Variants in CCDC93 observed in about 807,000 individuals in gnomAD.
CCDC93 encodes coiled-coil domain-containing protein 93.
In CCDC93, 61 loss-of-function variants were observed where a neutral mutation model predicts 108.2. The ratio of observed to expected loss-of-function variants is 0.56; its 90% CI spans 0.46 to 0.70. The LOEUF is 0.70. Ranked by LOEUF, CCDC93 falls within the 30% of genes least tolerant of loss-of-function variation. The pLI is 0.00. For missense variants in CCDC93, 685 were observed against 764.2 expected (o/e 0.90, Z 1.22); for synonymous variants, 276 against 260.4 (o/e 1.06, Z -0.58).
chr2:117,970,219 G>C (rs1273506750), intron 11 of CCDC93, among the ~76,000 whole-genome samples: 1 of 152,152 alleles, frequency 6.6e-6, no homozygotes, highest in Middle Eastern at 3.2e-3. Context: ...TTAGCTATAA[G>C]ACATAAAAAT....
At chr2:117,980,091 C>T (rs1010390345) in intron 7 of CCDC93, among the ~76,000 whole-genome samples, 5 of 152,262 alleles carry the variant, frequency 3.3e-5, no homozygotes, top group Admixed American at 6.5e-5. Context: ...CTTGTCAAGC[C>T]GCTATAGCAC....
In CCDC93 at chr2:117,917,706, C is replaced by A. The variant is rs550636131; in HGVS notation, c.*2637G>T. 1 of 152,466 alleles carries A rather than the reference C, an allele frequency of 6.6e-6. No homozygotes were observed. Among genetic ancestry groups the A allele is most frequent in the African/African-American group, 2.4e-5 (1 of 41,594 alleles). 9.4% of individuals were successfully genotyped at this position (152,466 alleles called of 1,614,324 possible). Reference sequence around the variant, plus strand: ...ACGGAGCACAGGTCAAAGACATCAACAAATGTCCTAGCATCTCCCCACGCA... The same window carrying A: ...ACGGAGCACAGGTCAAAGACATCAAAAAATGTCCTAGCATCTCCCCACGCA... On this transcript the variant is annotated 3_prime_UTR_variant, in exon 24 of 24. Coordinates refer to ENST00000376300, the MANE Select transcript of CCDC93 (RefSeq NM_019044.5).
At chr2:117,958,589 A>G in intron 11 of CCDC93, 108 bp from the exon 12 acceptor site, 1 of 731,354 alleles carries the variant, frequency 1.4e-6, no homozygotes, top group East Asian at 2.5e-5. Context: ...AGCCAGTCAC[A>G]CCAAGCCAGG....
At chr2:117,968,505 T>C (rs1281724884) in intron 11 of CCDC93, among the ~76,000 whole-genome samples, 1 of 152,202 alleles carries the variant, frequency 6.6e-6, no homozygotes, top group Non-Finnish European at 1.5e-5. Flanking sequence ...TCATGAATTA[T>C]GTATCTGGAA....
intron 16 of CCDC93, 132 bp from the exon 17 acceptor site, chr2:117,945,714 G>A (rs953356549): frequency 4.0e-5 from 28 of 706,424 alleles, no homozygotes; most frequent in Middle Eastern, 5.1e-4. Flanking sequence ...GATGTCCCCC[G>A]AGCATGTCTG....
At chr2:117,981,167 G>A (rs1680104903) in intron 7 of CCDC93, among the ~76,000 whole-genome samples, 4 of 152,236 alleles carry the variant, frequency 2.6e-5, no homozygotes, top group Admixed American at 2.6e-4. Flanking sequence ...AATATATTAT[G>A]CAACATATTT....
At chr2:117,941,400 T>C (rs1013530238) in intron 18 of CCDC93, 103 bp from the exon 19 acceptor site, 6 of 812,642 alleles carry the variant, frequency 7.4e-6, no homozygotes, top group Admixed American at 2.0e-5. Flanking sequence ...AGCCCAACCA[T>C]GCGCCCTACA....
At chr2:117,946,912 T>G (rs778626345) in intron 15 of CCDC93, 30 bp from the exon 16 acceptor site, 2 of 1,511,544 alleles carry the variant, frequency 1.3e-6, no homozygotes, top group Non-Finnish European at 1.8e-6. Flanking sequence ...TTTTACAAAA[T>G]TCAGACAAGG....
At chr2:118,010,941 A>G (rs1445479050) in intron 1 of CCDC93, among the ~76,000 whole-genome samples, 2 of 152,232 alleles carry the variant, frequency 1.3e-5, no homozygotes, top group Non-Finnish European at 2.9e-5. Flanking sequence ...TCAACTATAT[A>G]CTGTACATAT....
rs1028535202 is a variant in CCDC93 at position 117,919,662 on chromosome 2, C to G, written c.*681G>C. 1 of 151,972 alleles carries G rather than the reference C, an allele frequency of 6.6e-6. No individual in the cohort carries two copies. The highest frequency in any genetic ancestry group is 2.4e-5 in the African/African-American group (1 of 41,394). 9.4% of individuals were successfully genotyped at this position (151,972 alleles called of 1,614,324 possible). On this transcript the variant is annotated 3_prime_UTR_variant, in exon 24 of 24. Coordinates refer to ENST00000376300, the MANE Select transcript of CCDC93 (RefSeq NM_019044.5). ...GTCTGTTTTCAATTTTCTGAGAAAT[C>G]AACTTGAGTAACGTATAAAAATTAA...
intron 1 of CCDC93, 124 bp from the exon 2 acceptor site, chr2:118,008,782 A>G: frequency 3.1e-6 from 2 of 639,620 alleles, no homozygotes; most frequent in South Asian, 3.7e-5. Context: ...TCACCACAAT[A>G]GATTCTCTGA....
intron 6 of CCDC93, among the ~76,000 whole-genome samples, chr2:117,987,309 G>A (rs544682153): frequency 3.3e-5 from 5 of 152,162 alleles, no homozygotes; most frequent in Admixed American, 2.6e-4. Context: ...GACACTACGC[G>A]GCCTAGCCCT....
intron 6 of CCDC93, among the ~76,000 whole-genome samples, chr2:117,989,698 A>C (rs566582659): frequency 4.1e-4 from 63 of 152,362 alleles, no homozygotes; most frequent in Admixed American, 1.6e-3. Context: ...TTCCATCTGC[A>C]TATTAGGTAT....
intron 18 of CCDC93, among the ~76,000 whole-genome samples, chr2:117,942,799 A>T (rs906174627): frequency 2.0e-5 from 3 of 152,212 alleles, no homozygotes; most frequent in African/African-American, 7.2e-5. Context: ...GTCAGAGCTG[A>T]CAACAAAGCA....
chr2:117,986,117 C>A, intron 6 of CCDC93, 48 bp from the exon 7 acceptor site: 2 of 1,104,368 alleles, frequency 1.8e-6, no homozygotes, highest in Non-Finnish European at 2.7e-6. Flanking sequence ...AGGCTCTCCT[C>A]CTGAATTGGC....
intron 11 of CCDC93, among the ~76,000 whole-genome samples, chr2:117,972,536 T>C (rs71422553): frequency 0.02 from 3,095 of 152,074 alleles, 39 homozygotes; most frequent in Middle Eastern, 0.072. Context: ...CTGCCTGCTT[T>C]TTCCTCTTAC....
At chr2:117,942,690 CTCACCAGGGTGTAG>C (rs1678739095) in intron 18 of CCDC93, among the ~76,000 whole-genome samples, 1 of 152,196 alleles carries the variant, frequency 6.6e-6, no homozygotes, top group Non-Finnish European at 1.5e-5. Context: ...CTCACATGTG[CTCACCAGGGTGTAG>C]TCTCAGGGCC....
At chr2:117,953,930 C>G (rs1323774507) in intron 12 of CCDC93, among the ~76,000 whole-genome samples, 1 of 152,032 alleles carries the variant, frequency 6.6e-6, no homozygotes, top group African/African-American at 2.4e-5. Flanking sequence ...AGTGGGCTCC[C>G]TTGCCTCCTT....
chr2:117,956,753 T>C lies in CCDC93; in HGVS notation c.1005+1612A>G, dbSNP rs564115621. ...TTTAGCAAACCAACCTATTATTTGT[T>C]CAGCTATGGTAGAACAAATTCTAAT... On this transcript the variant is annotated intron_variant, in intron 12 of 23. Transcript: ENST00000376300. Among the ~76,000 whole-genome samples, 9 of 152,292 alleles carry C rather than the reference T, an allele frequency of 5.9e-5. 1 individual carries two copies. In the South Asian group the frequency reaches 1.9e-3, roughly 32 times the overall value.
Sources: allele counts gnomAD v4.1 joint callset (sites outside exome capture counted in the v4.1 genomes callset), GRCh38; gene constraint gnomAD v4.1.1; transcripts MANE v1.5; gene names NCBI Gene and HGNC (gene_info 2026-07-23, HGNC 2026-07-21).